The following CTNS variants were observed in gnomAD, a reference collection of about 807,000 sequenced individuals.
CTNS encodes the protein cystinosin.
CTNS carries 27 observed loss-of-function variants against 43.7 expected under a neutral mutation model. The observed-to-expected ratio is 0.62, with a 90% CI of 0.46 to 0.85. CTNS has a LOEUF of 0.85. Ranked by LOEUF, CTNS falls within the 40% of genes least tolerant of loss-of-function variation. The pLI, the probability that CTNS is intolerant of heterozygous loss-of-function variation, is 0.00. For synonymous variants in CTNS, 187 were observed against 190.6 expected (o/e 0.98, Z 0.16); for missense variants, 457 against 475.4 (o/e 0.96, Z 0.36).
rs919629710 is a variant in CTNS at position 3,658,074 on chromosome 17, A to G, written c.751A>G (p.Thr251Ala). ...LVLAWLFAFV[T>A]MIVAAVGVTT... ...GCTCGCGTGGCTCTTCGCATTTGTC[A>G]CCATGATCGTGGCTGCAGTGGGAGT... Residue 251 changes from threonine (T) to alanine (A), a missense_variant, in exon 10 of 12, where the codon ACC (threonine) becomes GCC (alanine). Thr to Ala is a moderately conservative substitution (Grantham distance 58). Transcript: ENST00000046640. The G allele has an allele frequency of 1.2e-5, 20 of 1,612,154 alleles. 1 individual carries two copies. The highest frequency in any genetic ancestry group is 6.6e-5 in the South Asian group (6 of 91,014).
chr17:3,662,533 GTC>G lies in CTNS; in HGVS notation c.*2169_*2170del, dbSNP rs1236994854. Among the ~76,000 whole-genome samples the G allele has an allele frequency of 6.6e-6, 1 of 152,136 alleles. No homozygotes were observed. Among genetic ancestry groups the G allele is most frequent in the East Asian group, 1.9e-4 (1 of 5,180 alleles). On this transcript the variant is annotated 3_prime_UTR_variant, in exon 12 of 12. Transcript: ENST00000046640. ...TAGGCAGGGAGTCTTATAGGCAGGG[GTC>G]TCTCCCAGGCACCTCTGGGTGTCCC...
rs1366474790 is a variant in CTNS at position 3,660,510 on chromosome 17, G to A, written c.*141G>A. 6.2e-7 allele frequency: 1 copy of A among 1,612,324 alleles called. No homozygotes were observed. Among genetic ancestry groups the A allele is most frequent in the East Asian group, 2.2e-5 (1 of 44,894 alleles). The stretch of plus-strand genomic sequence containing the variant: ...GGACAGAGGAGACCACTCTGCTCCT[G>A]GGGCCAGAGGCCATTCAATAGCCTG... On this transcript the variant is annotated 3_prime_UTR_variant, in exon 12 of 12. Transcript: ENST00000046640.
intron 3 of CTNS, among the ~76,000 whole-genome samples, chr17:3,643,150 C>T (rs557024882): frequency 5.3e-5 from 8 of 151,722 alleles, no homozygotes; most frequent in African/African-American, 1.9e-4. Context: ...CCGTCTCTAC[C>T]AAAAATACAA....
rs530533956 is a variant in CTNS, at chr17:3,655,068, T to G, written c.296T>G (p.Val99Gly). Residue 99 changes from valine to glycine, a missense_variant, in exon 6 of 12, where the codon GTT becomes GGT. Transcript: ENST00000046640. ...VTSQNVGQLT[V>G]YLHGNHSNQT... is the part of the protein sequence containing the mutation. ...TCTCAAAATGTTGGACAACTTACTGTTTATCTACATGGAAATCACTCCAAT... is the reference window on the plus strand; with the variant it reads ...TCTCAAAATGTTGGACAACTTACTGGTTATCTACATGGAAATCACTCCAAT... 6.2e-7 allele frequency: 1 copy of G among 1,614,106 alleles called. No homozygotes were observed. The highest frequency in any genetic ancestry group is 1.1e-5 in the South Asian group (1 of 91,082).
Position 3,656,706 on chromosome 17 carries a change from G to C in CTNS, c.592G>C (p.Val198Leu). 6.2e-7 allele frequency: 1 copy of C among 1,613,278 alleles called. No homozygotes were observed. Among genetic ancestry groups the C allele is most frequent in the Non-Finnish European group, 8.5e-7 (1 of 1,179,922 alleles). ...EQFLLKYPNGVNPVNSNDVFF... is the reference protein window; with the variant it reads ...EQFLLKYPNGLNPVNSNDVFF... ...GTTTCTCCTCAAATACCCCAACGGA[G>C]TGAACCCCGTGAACAGCAACGACGT... The change falls in exon 9 of 12, where the codon GTG (valine) becomes CTG (leucine). Residue 198 changes from valine (V) to leucine (L), a missense_variant. Physicochemically the swap from Val to Leu is conservative, Grantham distance 32. Coordinates refer to ENST00000046640, the MANE Select transcript of CTNS (RefSeq NM_004937.3).
intron 3 of CTNS, 73 bp from the exon 4 acceptor site, chr17:3,647,371 T>A: frequency 7.7e-7 from 1 of 1,306,556 alleles, no homozygotes; most frequent in Non-Finnish European, 1.1e-6. Flanking sequence ...ATGTCAGGGG[T>A]TTCGGCCCAG....
intron 10 of CTNS, 88 bp from the exon 11 acceptor site, chr17:3,659,770 T>C: frequency 1.1e-6 from 1 of 945,774 alleles, no homozygotes; most frequent in Non-Finnish European, 1.7e-6. Flanking sequence ...TGAGAACCGC[T>C]TTTGTTTGGA....
Position 3,660,489 on chromosome 17 carries a change from AGAG to A in CTNS, c.*124_*126del. Reference sequence around the variant, plus strand: ...CACAGGGCTGGCTCAGTGTGCGGACAGAGGAGACCACTCTGCTCCTGGGGCCAG... The same window carrying A: ...CACAGGGCTGGCTCAGTGTGCGGACAGAGACCACTCTGCTCCTGGGGCCAG... On this transcript the variant is annotated 3_prime_UTR_variant, in exon 12 of 12. Coordinates refer to ENST00000046640, the MANE Select transcript of CTNS (RefSeq NM_004937.3). The A allele has an allele frequency of 2.5e-6, 4 of 1,612,676 alleles. No individual in the cohort carries two copies. The highest frequency in any genetic ancestry group is 2.5e-6 in the Non-Finnish European group (3 of 1,179,952).
chr17:3,657,005 G>T (rs1415235370), intron 9 of CTNS: 2 of 710,672 alleles, frequency 2.8e-6, no homozygotes, highest in East Asian at 2.9e-5. Flanking sequence ...GCAGTGCCTG[G>T]ACTCAGGCTG....
intron 5 of CTNS, among the ~76,000 whole-genome samples, chr17:3,653,876 C>CA (rs576825773): frequency 5.9e-5 from 2 of 34,102 alleles, no homozygotes; most frequent in Admixed American, 6.0e-4. Context: ...AACTCCATCT[C>CA]GGGGGAAAAA....
chr17:3,659,133 A>G (rs563421564), intron 10 of CTNS, among the ~76,000 whole-genome samples: 41 of 152,284 alleles, frequency 2.7e-4, no homozygotes, highest in Admixed American at 9.8e-4. Context: ...GCCGGGACAC[A>G]GACAGGGACT....
intron 2 of CTNS, 177 bp from the exon 3 acceptor site, chr17:3,640,010 AG>A: frequency 1.7e-6 from 1 of 590,892 alleles, no homozygotes; most frequent in Non-Finnish European, 3.1e-6. Context: ...TGTATATCAA[AG>A]AAAGATAAGT....
At chr17:3,642,871 C>G (rs1267125879) in intron 3 of CTNS, among the ~76,000 whole-genome samples, 2 of 152,160 alleles carry the variant, frequency 1.3e-5, no homozygotes, top group Non-Finnish European at 2.9e-5. Flanking sequence ...TGGGTGGAAT[C>G]TTGAGGCAGT....
intron 5 of CTNS, among the ~76,000 whole-genome samples, chr17:3,654,353 G>T (rs150554923): frequency 1.1e-4 from 17 of 152,294 alleles, no homozygotes; most frequent in African/African-American, 4.1e-4. Context: ...GGGAGGGCAT[G>T]AGGACAAGTC....
chr17:3,642,580 A>G lies in CTNS; in HGVS notation c.61+2313A>G, dbSNP rs1268646693. On this transcript the variant is annotated intron_variant, in intron 3 of 11. Transcript: ENST00000046640. ...CGAGCGCCTGTAAGCCCAGCTACTTAGGAGGCTGAGGTAGGAGAATCGCTT... is the reference window on the plus strand; with the variant it reads ...CGAGCGCCTGTAAGCCCAGCTACTTGGGAGGCTGAGGTAGGAGAATCGCTT... Among the ~76,000 whole-genome samples, 4 of 152,042 alleles carry G rather than the reference A, an allele frequency of 2.6e-5. No homozygotes were observed. The East Asian group carries it at 7.7e-4, about 29-fold the overall frequency.
In CTNS at chr17:3,659,960, C is replaced by T. The variant is rs2142981652; in HGVS notation, c.955C>T (p.Gln319Ter). The T allele has an allele frequency of 6.2e-7, 1 of 1,613,508 alleles. No individual in the cohort carries two copies. Among genetic ancestry groups the T allele is most frequent in the Non-Finnish European group, 8.5e-7 (1 of 1,179,802 alleles). Residue 319 changes from glutamine (Q) to a stop codon, truncating the protein, a stop_gained, in exon 11 of 12, where the codon CAG becomes TAG. Transcript: ENST00000046640. LOFTEE classifies it high-confidence loss of function. ...GSFSLLQMFLQSYNNDQWTLI... is the reference protein window; with the variant it reads ...GSFSLLQMFL ...CTTCAGCCTCCTGCAGATGTTCCTC[C>T]AGTCCTACAACAACGGTGAGTCAGC... is the stretch of plus-strand genomic sequence containing the variant.
Position 3,660,451 on chromosome 17 carries a change from T to G in CTNS, c.*82T>G, listed in dbSNP as rs2076258807. 1.2e-6 allele frequency: 2 copies of G among 1,613,442 alleles called. No individual in the cohort carries two copies. The highest frequency in any genetic ancestry group is 2.2e-5 in the South Asian group (2 of 90,908). On this transcript the variant is annotated 3_prime_UTR_variant, in exon 12 of 12. Coordinates refer to ENST00000046640, the MANE Select transcript of CTNS (RefSeq NM_004937.3). Reference sequence around the variant, plus strand: ...CACCCAGCGAAGGCCGGAGAAGCGGTTGGGCCCTGGCACACAGGGCTGGCT... The same window carrying G: ...CACCCAGCGAAGGCCGGAGAAGCGGGTGGGCCCTGGCACACAGGGCTGGCT...
chr17:3,650,329 T>C (rs756153327), intron 5 of CTNS: 19 of 1,548,066 alleles, frequency 1.2e-5, no homozygotes, highest in South Asian at 4.8e-5. Flanking sequence ...CTGAAAAATA[T>C]AGCATCGCTG....
rs138270433 is a variant in CTNS, at chr17:3,656,775, G to C, written c.661G>C (p.Val221Leu). The change falls in exon 9 of 12, where the codon GTG becomes CTG. Residue 221 changes from valine to leucine, a missense_variant. Physicochemically the swap from Val to Leu is conservative, Grantham distance 32 (BLOSUM62 1). Coordinates refer to ENST00000046640, the MANE Select transcript of CTNS (RefSeq NM_004937.3). ...GGTTGTCCTCACGCTGATCATCATC[G>C]TGCAGTGCTGCCTGTATGAGGTGAG... ...HAVVLTLIII[V>L]QCCLYERGGQ... is the part of the protein sequence containing the mutation. 2 of 1,613,150 alleles carry C rather than the reference G, an allele frequency of 1.2e-6. No individual in the cohort carries two copies.
Sources: allele counts gnomAD v4.1 joint callset (sites outside exome capture counted in the v4.1 genomes callset), GRCh38; gene constraint gnomAD v4.1.1; transcripts MANE v1.5; gene names NCBI Gene and HGNC (gene_info 2026-07-23, HGNC 2026-07-21).